Variants in CREB5 observed in about 807,000 individuals in gnomAD.
CREB5 encodes cyclic AMP-responsive element-binding protein 5.
CREB5 carries 19 observed loss-of-function variants against 57.1 expected under a neutral mutation model. The ratio of observed to expected loss-of-function variants is 0.33; its 90% CI spans 0.23 to 0.49. The LOEUF (loss-of-function observed/expected upper bound fraction) is 0.49. Among genes scored for constraint, CREB5 ranks in the 20% least tolerant of loss-of-function variants. The pLI is 0.99. For missense variants in CREB5, 579 were observed against 671.6 expected, an observed-to-expected ratio of 0.86 and a Z score of 1.52; for synonymous variants, 238 against 238.3, an observed-to-expected ratio of 1.00 and a Z score of 0.01.
intron 7 of CREB5, among the ~76,000 whole-genome samples, chr7:28,757,405 G>A (rs754148358): frequency 6.6e-6 from 1 of 152,214 alleles, no homozygotes; most frequent in East Asian, 1.9e-4. Flanking sequence ...GGGCACGGTG[G>A]CTCATGCCTG....
At chr7:28,811,116 G>A (rs886976163) in intron 9 of CREB5, among the ~76,000 whole-genome samples, 2 of 152,094 alleles carry the variant, frequency 1.3e-5, no homozygotes, top group African/African-American at 4.8e-5. Flanking sequence ...TGTTTATAGT[G>A]TAGTGTCTAC....
At chr7:28,672,190 C>A (rs1365761337) in intron 5 of CREB5, among the ~76,000 whole-genome samples, 4 of 149,982 alleles carry the variant, frequency 2.7e-5, no homozygotes, top group South Asian at 4.3e-4. Context: ...AAAAAAAAAA[C>A]ACACACACAC....
At chr7:28,764,164 C>T (rs1805821905) in intron 7 of CREB5, among the ~76,000 whole-genome samples, 1 of 152,058 alleles carries the variant, frequency 6.6e-6, no homozygotes, top group South Asian at 2.1e-4. Flanking sequence ...AAGAAGTTTT[C>T]TTCAAGGACT....
intron 1 of CREB5, among the ~76,000 whole-genome samples, chr7:28,421,512 G>A (rs1250876117): frequency 6.6e-6 from 1 of 151,970 alleles, no homozygotes; most frequent in Non-Finnish European, 1.5e-5. Context: ...ATCTAAACAG[G>A]ACTTTTGCAC....
intron 5 of CREB5, among the ~76,000 whole-genome samples, chr7:28,655,338 G>A (rs560188000): frequency 6.4e-4 from 98 of 152,308 alleles, no homozygotes; most frequent in Non-Finnish European, 1.1e-3. Flanking sequence ...TGGGCATGGT[G>A]GCTCATGCCC....
chr7:28,472,165 A>AAAAAC (rs1554328949), intron 1 of CREB5, among the ~76,000 whole-genome samples: 3 of 148,008 alleles, frequency 2.0e-5, no homozygotes, highest in Admixed American at 6.7e-5. Context: ...AAAAAAAAAA[A>AAAAAC]ACATAGTAAT....
chr7:28,605,192 G>C (rs911541150), intron 5 of CREB5, among the ~76,000 whole-genome samples: 1 of 152,148 alleles, frequency 6.6e-6, no homozygotes, highest in Non-Finnish European at 1.5e-5. Context: ...CCTTTGCCTG[G>C]TTCTGACAAG....
intron 1 of CREB5, among the ~76,000 whole-genome samples, chr7:28,443,298 C>T (rs1789284190): frequency 6.6e-6 from 1 of 152,152 alleles, no homozygotes; most frequent in Non-Finnish European, 1.5e-5. Flanking sequence ...GGCTGAAGAA[C>T]TCTGGGCTTA....
At chr7:28,603,247 G>T (rs1359436731) in intron 5 of CREB5, among the ~76,000 whole-genome samples, 1 of 152,084 alleles carries the variant, frequency 6.6e-6, no homozygotes, top group East Asian at 1.9e-4. Flanking sequence ...TATAAATTCA[G>T]TATACTCCAC....
intron 2 of CREB5, among the ~76,000 whole-genome samples, chr7:28,489,440 G>A (rs1267891025): frequency 6.6e-6 from 1 of 151,508 alleles, no homozygotes. Context: ...GCTGGGACTA[G>A]AGGTGCCCGC....
intron 1 of CREB5, among the ~76,000 whole-genome samples, chr7:28,362,968 G>A (rs758761836): frequency 1.3e-5 from 2 of 152,128 alleles, no homozygotes; most frequent in Non-Finnish European, 2.9e-5. Context: ...GAAGGGCTAT[G>A]TTATGGGGAA....
Position 28,526,251 on chromosome 7 carries a change from A to G in CREB5, c.291+18514A>G, listed in dbSNP as rs142002546. 3.6e-3 allele frequency among the ~76,000 whole-genome samples: 556 copies of G among 152,336 alleles called. 4 individuals are homozygous for G. The highest frequency in any genetic ancestry group is 0.012 in the African/African-American group (515 of 41,572). On this transcript the variant is annotated intron_variant, in intron 4 of 10. Coordinates refer to ENST00000357727, the MANE Select transcript of CREB5 (RefSeq NM_182898.4). Reference sequence around the variant, plus strand: ...GATTATTATATAAATCAAAAGTCCAAGGGCTTCCCCAAAGTTTTGCTTTAC... The same window carrying G: ...GATTATTATATAAATCAAAAGTCCAGGGGCTTCCCCAAAGTTTTGCTTTAC...
intron 1 of CREB5, among the ~76,000 whole-genome samples, chr7:28,344,361 G>T (rs1785997277): frequency 1.3e-5 from 2 of 152,158 alleles, no homozygotes; most frequent in African/African-American, 4.8e-5. Flanking sequence ...TAATGCTTCT[G>T]CATGTTGATA....
intron 5 of CREB5, among the ~76,000 whole-genome samples, chr7:28,677,772 G>A (rs901815151): frequency 6.6e-6 from 1 of 152,164 alleles, no homozygotes; most frequent in African/African-American, 2.4e-5. Context: ...CAGCTACGTG[G>A]GAGGCTGACG....
At chr7:28,660,410 AC>A (rs1562555569) in intron 5 of CREB5, among the ~76,000 whole-genome samples, 1 of 118,976 alleles carries the variant, frequency 8.4e-6, no homozygotes, top group African/African-American at 3.5e-5. Context: ...TTGAGCATGT[AC>A]TATGAGTTAG....
intron 7 of CREB5, among the ~76,000 whole-genome samples, chr7:28,803,499 C>T (rs1158794673): frequency 6.6e-6 from 1 of 152,166 alleles, no homozygotes; most frequent in Non-Finnish European, 1.5e-5. Flanking sequence ...TGGCTCACGC[C>T]TGTAATCCCA....
rs373592098 is a variant in CREB5 at position 28,810,355 on chromosome 7, G to A, written c.1254+941G>A. On this transcript the variant is annotated intron_variant, in intron 9 of 10. Coordinates refer to ENST00000357727, the MANE Select transcript of CREB5 (RefSeq NM_182898.4). Reference sequence around the variant, plus strand: ...ATGGCCAAAGAGAGTGGGGCAGGGAGGAAATTACCCTACATAGTGAGACTG... The same window carrying A: ...ATGGCCAAAGAGAGTGGGGCAGGGAAGAAATTACCCTACATAGTGAGACTG... 1.9e-4 allele frequency among the ~76,000 whole-genome samples: 29 copies of A among 152,234 alleles called. No individual in the cohort carries two copies. In the East Asian group the frequency reaches 5.4e-3, roughly 28 times the overall value.
At chr7:28,499,117 C>A (rs1391214266) in intron 3 of CREB5, among the ~76,000 whole-genome samples, 2 of 141,780 alleles carry the variant, frequency 1.4e-5, no homozygotes, top group Non-Finnish European at 3.0e-5. Flanking sequence ...ATTTCCAAAT[C>A]TTGTCTTGTT....
chr7:28,608,113 TCACACACACTCACACACACACA>T (rs1401246697), intron 5 of CREB5, among the ~76,000 whole-genome samples: 4 of 143,070 alleles, frequency 2.8e-5, no homozygotes, highest in African/African-American at 1.1e-4. Flanking sequence ...TCTCTCTCTC[TCACACACACTCACACACACACA>T]CACACACACA....
Sources: gnomAD v4.1 joint callset for allele counts (sites outside exome capture counted in the v4.1 genomes callset) on GRCh38, gnomAD v4.1.1 for gene constraint, MANE v1.5 for transcripts, NCBI Gene and HGNC (gene_info 2026-07-23, HGNC 2026-07-21) for gene names.